The following TINAG variants were observed in gnomAD, a reference collection of about 807,000 sequenced individuals.
TINAG encodes the protein tubulointerstitial nephritis antigen.
TINAG carries 83 observed loss-of-function variants against 72.7 expected under a neutral mutation model. The ratio of observed to expected loss-of-function variants is 1.14; its 90% CI spans 0.96 to 1.37. TINAG has a LOEUF of 1.37. TINAG is among the 40% of genes most tolerant of loss of function. The pLI, the probability that TINAG is intolerant of heterozygous loss-of-function variation, is 0.00. For missense variants in TINAG, 685 were observed against 576.6 expected, an observed-to-expected ratio of 1.19 and a Z score of -1.93; for synonymous variants, 234 against 189.9, an observed-to-expected ratio of 1.23 and a Z score of -1.91.
intron 9 of TINAG, among the ~76,000 whole-genome samples, chr6:54,367,583 C>T (rs1582747752): frequency 6.6e-6 from 1 of 151,844 alleles, no homozygotes; most frequent in East Asian, 1.9e-4. Context: ...CAAGTGAAAA[C>T]TGGAGTAGAA....
intron 4 of TINAG, among the ~76,000 whole-genome samples, chr6:54,327,784 A>G (rs1337359886): frequency 6.6e-6 from 1 of 152,106 alleles, no homozygotes; most frequent in East Asian, 1.9e-4. Flanking sequence ...GGCGTCGGCC[A>G]TTACTGAGGC....
intron 4 of TINAG, 47 bp downstream of exon 4, chr6:54,326,963 GTGTT>G: frequency 6.2e-7 from 1 of 1,609,464 alleles, no homozygotes; most frequent in Non-Finnish European, 8.5e-7. Context: ...TTGTAAAAGT[GTGTT>G]TGTGTGTGCA....
chr6:54,360,824 T>C (rs1349848215), intron 9 of TINAG, among the ~76,000 whole-genome samples: 2 of 148,190 alleles, frequency 1.3e-5, no homozygotes, highest in African/African-American at 4.9e-5. Flanking sequence ...TGGTTTCTTG[T>C]GTTTCACAGA....
intron 3 of TINAG, among the ~76,000 whole-genome samples, chr6:54,321,750 C>T (rs1000882712): frequency 2.6e-5 from 4 of 152,130 alleles, no homozygotes; most frequent in African/African-American, 9.7e-5. Context: ...CCAAGCCAAT[C>T]ACATGCTTAG....
intron 4 of TINAG, among the ~76,000 whole-genome samples, chr6:54,330,819 T>C (rs1020570131): frequency 1.3e-5 from 2 of 152,156 alleles, no homozygotes; most frequent in Non-Finnish European, 1.5e-5. Flanking sequence ...CAGAGAATAC[T>C]ATAAACACCT....
At chr6:54,335,034 C>A (rs1367033404) in intron 4 of TINAG, among the ~76,000 whole-genome samples, 1 of 152,032 alleles carries the variant, frequency 6.6e-6, no homozygotes, top group Non-Finnish European at 1.5e-5. Flanking sequence ...AGAGGACAGA[C>A]CTTTATAAGG....
In TINAG at chr6:54,336,575, A is replaced by C. The variant is rs573738837; in HGVS notation, c.625-6651A>C. ...AGCTTCACTGTGTTATATCTTATAA[A>C]TATTAAAAATATTTTGAAAAAATAC... On this transcript the variant is annotated intron_variant, in intron 4 of 10. Coordinates refer to ENST00000259782, the MANE Select transcript of TINAG (RefSeq NM_014464.4). 2.0e-5 allele frequency among the ~76,000 whole-genome samples: 3 copies of C among 152,298 alleles called. No homozygotes were observed. In the South Asian group the frequency reaches 6.2e-4, roughly 32 times the overall value.
chr6:54,329,689 A>G (rs1784690557), intron 4 of TINAG, among the ~76,000 whole-genome samples: 1 of 152,202 alleles, frequency 6.6e-6, no homozygotes, highest in African/African-American at 2.4e-5. Flanking sequence ...AAATTGGATA[A>G]AGAGTCAAGA....
At chr6:54,308,129 T>C (rs1345664224), upstream of TINAG, 2 of 1,548,718 alleles carry the variant, frequency 1.3e-6, no homozygotes, top group African/African-American at 1.4e-5. Context: ...TTTTGACTTT[T>C]GAATTTCCTG....
At chr6:54,360,978 C>A (rs796732539) in intron 9 of TINAG, among the ~76,000 whole-genome samples, 27 of 147,064 alleles carry the variant, frequency 1.8e-4, no homozygotes, top group African/African-American at 6.7e-4. Flanking sequence ...TGGTAATTCT[C>A]ACAATATTTC....
At chr6:54,356,372 A>T (rs1219720494) in intron 9 of TINAG, among the ~76,000 whole-genome samples, 7 of 151,298 alleles carry the variant, frequency 4.6e-5, no homozygotes, top group East Asian at 2.0e-4. Flanking sequence ...CTCTTTCTAT[A>T]AAAAAAATAC....
chr6:54,388,569 T>C (rs896722024), intron 10 of TINAG, among the ~76,000 whole-genome samples: 43 of 152,032 alleles, frequency 2.8e-4, no homozygotes, highest in Non-Finnish European at 7.4e-5. Context: ...CAGGGTAGGG[T>C]AAATGGGAGG....
chr6:54,383,617 A>T (rs1764013272), intron 10 of TINAG, among the ~76,000 whole-genome samples: 1 of 152,148 alleles, frequency 6.6e-6, no homozygotes, highest in Non-Finnish European at 1.5e-5. Flanking sequence ...TTATGAGACA[A>T]GTGAAGCAGA....
Position 54,326,655 on chromosome 6 carries a change from A to G in TINAG, c.510-147A>G, listed in dbSNP as rs188222565. On this transcript the variant is annotated intron_variant, in intron 3 of 10. Coordinates refer to ENST00000259782, the MANE Select transcript of TINAG (RefSeq NM_014464.4). ...AAAATAATCAATAATGCATCATTAT[A>G]TAAAGAATATCTAGCCTGTGACAAT... is the stretch of plus-strand genomic sequence containing the variant. 734 of 562,824 alleles carry G rather than the reference A, an allele frequency of 1.3e-3. 6 individuals are homozygous for G. Among genetic ancestry groups the G allele is most frequent in the African/African-American group, 0.013 (653 of 50,746 alleles). 34.9% of individuals were successfully genotyped at this position (562,824 alleles called of 1,614,324 possible).
chr6:54,311,401 T>C (rs57197961), intron 1 of TINAG, among the ~76,000 whole-genome samples: 2,274 of 152,280 alleles, frequency 0.015, 79 homozygotes, highest in African/African-American at 0.052. Context: ...CTGACTTGCA[T>C]GATATGGCAA....
At chr6:54,321,513 G>C (rs1784490373) in intron 3 of TINAG, 127 bp downstream of exon 3, 1 of 637,850 alleles carries the variant, frequency 1.6e-6, no homozygotes, top group African/African-American at 1.9e-5. Context: ...TAGGAAGGGA[G>C]ATAGAAAGCA....
At chr6:54,307,966 G>T, upstream of TINAG, 1 of 1,405,862 alleles carries the variant, frequency 7.1e-7, no homozygotes, top group Non-Finnish European at 9.8e-7. Context: ...AAACGCTTCT[G>T]GTAGGTAAAT....
At chr6:54,326,673 G>C in intron 3 of TINAG, 129 bp from the exon 4 acceptor site, 1 of 619,550 alleles carries the variant, frequency 1.6e-6, no homozygotes, top group Non-Finnish European at 2.7e-6. Flanking sequence ...TATCTAGCCT[G>C]TGACAATTCT....
At chr6:54,353,446 T>C (rs1262716804) in intron 8 of TINAG, among the ~76,000 whole-genome samples, 1 of 151,818 alleles carries the variant, frequency 6.6e-6, no homozygotes, top group Non-Finnish European at 1.5e-5. Flanking sequence ...TGAATAACTT[T>C]GTGTACATTC....
Sources: allele counts gnomAD v4.1 joint callset (sites outside exome capture counted in the v4.1 genomes callset), GRCh38; gene constraint gnomAD v4.1.1; transcripts MANE v1.5; gene names NCBI Gene and HGNC (gene_info 2026-07-23, HGNC 2026-07-21).